COL4A6: variants seen among roughly 807,000 people sequenced by gnomAD.
COL4A6 encodes the protein collagen type IV alpha 6 chain.
Under a neutral mutation model 126.7 loss-of-function variants are expected in COL4A6, and 59 were observed. The observed-to-expected ratio is 0.47, with a 90% CI of 0.38 to 0.58. The LOEUF (loss-of-function observed/expected upper bound fraction) is 0.58, where lower values mean the gene tolerates loss of function less well. Ranked by LOEUF, COL4A6 falls within the 20% of genes least tolerant of loss-of-function variation. The pLI is 0.00. For synonymous variants in COL4A6, 547 were observed against 496.6 expected (o/e 1.10, Z -1.35); for missense variants, 1,285 against 1,337.3 (o/e 0.96, Z 0.61).
intron 3 of COL4A6, among the ~76,000 whole-genome samples, chrX:108,292,993 C>CAAAAA (rs149076547): frequency 2.1e-4 from 3 of 14,555 alleles, no homozygotes; most frequent in Non-Finnish European, 3.6e-4. Context: ...AGGAAAAAAG[C>CAAAAA]AAAAAAAAAA....
intron 2 of COL4A6, among the ~76,000 whole-genome samples, chrX:108,413,660 G>T (rs1413367890): frequency 1.8e-5 from 2 of 111,035 alleles, no homozygotes; most frequent in Non-Finnish European, 3.8e-5. Flanking sequence ...GGGTTTCACC[G>T]TGTTAGCAGT....
rs2295912 is a variant in COL4A6, at chrX:108,170,700, G to A, written c.3402C>T (p.Ala1134=). 34,640 of 1,204,103 alleles carry A rather than the reference G, an allele frequency of 0.029. 600 individuals carry two copies. Among genetic ancestry groups the A allele is most frequent in the African/African-American group, 0.12 (6,682 of 56,732 alleles). The change falls in exon 35 of 45, where the codon GCC becomes GCT. Residue 1134 remains alanine, a synonymous_variant. Transcript: ENST00000334504. ...LPGAPGFPGV[A]GMRGEPGLPG... is the part of the protein sequence containing the mutation. ...GAAGTCCTGGTTCTCCTCTCATGCC[G>A]GCAACTCCTGGAAATCCTAAATGTG...
chrX:108,179,525 T>C (rs2034615113), intron 25 of COL4A6, 87 bp from the exon 26 acceptor site: 1 of 705,793 alleles, frequency 1.4e-6, no homozygotes. Context: ...ATTTTTCTAA[T>C]ATGAAAGCTA....
At chrX:108,386,170 C>A (rs1189078016) in intron 2 of COL4A6, among the ~76,000 whole-genome samples, 3 of 111,352 alleles carry the variant, frequency 2.7e-5, no homozygotes, top group Non-Finnish European at 5.7e-5. Flanking sequence ...AACAGTGCCA[C>A]AATAAACATA....
chrX:108,233,740 C>G (rs1303055658), intron 3 of COL4A6, among the ~76,000 whole-genome samples: 1 of 112,051 alleles, frequency 8.9e-6, no homozygotes, highest in Non-Finnish European at 1.9e-5. Context: ...TGCTGGTACT[C>G]TGGCATAGCC....
intron 3 of COL4A6, among the ~76,000 whole-genome samples, chrX:108,237,480 C>CA (rs764340619): frequency 9.0e-6 from 1 of 111,228 alleles, no homozygotes; most frequent in South Asian, 3.9e-4. Flanking sequence ...GCTTCCTCAC[C>CA]AAAAATACCC....
chrX:108,207,888 A>G (rs1026904869), intron 8 of COL4A6, among the ~76,000 whole-genome samples: 1 of 111,117 alleles, frequency 9.0e-6, no homozygotes, highest in Non-Finnish European at 1.9e-5. Flanking sequence ...TCTCCCATGG[A>G]TACCAAGGGA....
intron 3 of COL4A6, among the ~76,000 whole-genome samples, chrX:108,297,920 G>A (rs1416796553): frequency 2.0e-5 from 2 of 100,659 alleles, no homozygotes; most frequent in Non-Finnish European, 2.0e-5. Context: ...ATCCCATCTC[G>A]TCCCCACACC....
At chrX:108,247,513 G>A (rs5929109) in intron 3 of COL4A6, among the ~76,000 whole-genome samples, 21 of 109,987 alleles carry the variant, frequency 1.9e-4, no homozygotes, top group Non-Finnish European at 3.2e-4. Context: ...GTGCTGGGCT[G>A]TCATCTGAAC....
chrX:108,164,112 C>T (rs1213325644), intron 40 of COL4A6, among the ~76,000 whole-genome samples: 1 of 111,215 alleles, frequency 9.0e-6, no homozygotes, highest in Non-Finnish European at 1.9e-5. Context: ...CCACTAGGGT[C>T]GGGGGAGGAA....
chrX:108,244,353 T>A (rs1378092066), intron 3 of COL4A6, among the ~76,000 whole-genome samples: 2 of 111,820 alleles, frequency 1.8e-5, no homozygotes, highest in African/African-American at 6.5e-5. Flanking sequence ...AGTCTTTTTT[T>A]GGTCATCTAC....
intron 3 of COL4A6, among the ~76,000 whole-genome samples, chrX:108,274,267 A>T (rs1001943729): frequency 9.0e-6 from 1 of 111,719 alleles, no homozygotes; most frequent in Non-Finnish European, 1.9e-5. Flanking sequence ...AGGAGAAAGC[A>T]TGGCCCAGAG....
Position 108,207,242 on chromosome X carries a change from C to A in COL4A6, c.547-662G>T, listed in dbSNP as rs1033759328. Among the ~76,000 whole-genome samples, 10 of 108,458 alleles carry A rather than the reference C, an allele frequency of 9.2e-5. No individual in the cohort carries two copies. In the South Asian group the frequency reaches 1.7e-3, roughly 18 times the overall value. The allele number at this position is 108,458 out of a possible 115,157, so 94.2% of individuals were successfully genotyped here. ...CATTAAAAATAGGATGGATTAAACA[C>A]CGCATGTTCACACTTATAAGTGGGA... On this transcript the variant is annotated intron_variant, in intron 8 of 44. Transcript: ENST00000334504.
In COL4A6 at chrX:108,438,058, C is replaced by A. The variant is rs2064302879; in HGVS notation, c.12-65G>T. 6.7e-6 allele frequency: 8 copies of A among 1,189,113 alleles called. No homozygotes were observed. The South Asian group carries it at 7.2e-5, about 11-fold the overall frequency. On this transcript the variant is annotated intron_variant, in intron 1 of 44. Transcript: ENST00000334504. ...TTCGGGGTCGTGCGTCTGCCTGTCG[C>A]CCCCCGAACCCTTTTGGATGCCTGC... is the stretch of plus-strand genomic sequence containing the variant.
At chrX:108,388,088 C>T (rs976818027) in intron 2 of COL4A6, among the ~76,000 whole-genome samples, 3 of 111,959 alleles carry the variant, frequency 2.7e-5, no homozygotes, top group South Asian at 3.8e-4. Context: ...GGTGGATAAG[C>T]TTTTTGATGT....
chrX:108,377,158 A>G (rs1250445994), intron 2 of COL4A6, among the ~76,000 whole-genome samples: 9 of 112,795 alleles, frequency 8.0e-5, no homozygotes, highest in Non-Finnish European at 1.5e-4. Context: ...ATCATAAACA[A>G]GGTAAAGAAA....
chrX:108,380,430 C>T (rs1200986059), intron 2 of COL4A6, among the ~76,000 whole-genome samples: 5 of 112,316 alleles, frequency 4.5e-5, no homozygotes, highest in African/African-American at 6.5e-5. Flanking sequence ...CATTGGCCTA[C>T]GCGTTGTTTA....
At chrX:108,277,379 G>A (rs2037640621) in intron 3 of COL4A6, among the ~76,000 whole-genome samples, 1 of 112,139 alleles carries the variant, frequency 8.9e-6, no homozygotes, top group African/African-American at 3.2e-5. Flanking sequence ...ATGGAGTCTC[G>A]CTGATTGCTA....
At chrX:108,322,008 T>A (rs995255027) in intron 2 of COL4A6, among the ~76,000 whole-genome samples, 1 of 111,519 alleles carries the variant, frequency 9.0e-6, no homozygotes, top group Non-Finnish European at 1.9e-5. Context: ...AGACCCAGGT[T>A]TGGCTCAAAA....
Sources: gnomAD v4.1 joint callset for allele counts (sites outside exome capture counted in the v4.1 genomes callset) on GRCh38, gnomAD v4.1.1 for gene constraint, MANE v1.5 for transcripts, NCBI Gene and HGNC (gene_info 2026-07-23, HGNC 2026-07-21) for gene names.